The following SULF1 variants were observed in gnomAD, a reference collection of about 807,000 sequenced individuals.
SULF1 encodes extracellular sulfatase Sulf-1.
A neutral mutation model predicts 110.5 loss-of-function variants in SULF1; 46 were observed. The observed-to-expected ratio is 0.42, with a 90% confidence interval of 0.33 to 0.53. The LOEUF (loss-of-function observed/expected upper bound fraction) is 0.53. Ranked by LOEUF, SULF1 falls within the 20% of genes least tolerant of loss-of-function variation. SULF1 has a pLI of 0.12. For missense variants in SULF1, 941 were observed against 1,094.2 expected (o/e 0.86, Z 1.98); for synonymous variants, 371 against 387.1 (o/e 0.96, Z 0.49).
chr8:69,597,143 C>T lies in SULF1; in HGVS notation c.735-3460C>T, dbSNP rs184457980. On this transcript the variant is annotated intron_variant, in intron 8 of 22. Coordinates refer to ENST00000402687, the MANE Select transcript of SULF1 (RefSeq NM_001128205.2). ...AGCTCCAGGGCCTGTTTGAATAATT[C>T]GAAGACAATCCTTAGTTAGGAAAGC... The T allele has an allele frequency of 3.5e-4, 54 of 152,282 alleles. 2 individuals carry two copies. Among genetic ancestry groups the T allele is most frequent in the Admixed American group, 3.1e-3 (47 of 15,302 alleles). The allele number at this position is 152,282 out of a possible 1,614,324, so 9.4% of individuals were successfully genotyped here.
intron 14 of SULF1, among the ~76,000 whole-genome samples, chr8:69,622,443 A>G (rs1809690659): frequency 6.6e-6 from 1 of 152,112 alleles, no homozygotes; most frequent in South Asian, 2.1e-4. Context: ...TTAGCTGGGC[A>G]TGGTGGCACA....
chr8:69,510,578 AAAT>A (rs2150588254), intron 3 of SULF1, among the ~76,000 whole-genome samples: 1 of 151,552 alleles, frequency 6.6e-6, no homozygotes, highest in East Asian at 1.9e-4. Flanking sequence ...ACAAAGCAGA[AAAT>A]AATGTTTTTG....
upstream of SULF1, among the ~76,000 whole-genome samples, chr8:69,492,041 G>T (rs1330546034): frequency 6.8e-6 from 1 of 147,630 alleles, no homozygotes; most frequent in Non-Finnish European, 1.5e-5. Flanking sequence ...ACGTGCTGGG[G>T]AGTAGGTGAG....
At chr8:69,639,346 C>T (rs996771344) in intron 21 of SULF1, among the ~76,000 whole-genome samples, 7 of 152,130 alleles carry the variant, frequency 4.6e-5, no homozygotes, top group Admixed American at 4.6e-4. Flanking sequence ...CAGTATTTTT[C>T]GTCTGAAACT....
intron 3 of SULF1, among the ~76,000 whole-genome samples, chr8:69,529,486 AAAC>A (rs1812937969): frequency 6.6e-6 from 1 of 152,218 alleles, no homozygotes; most frequent in African/African-American, 2.4e-5. Context: ...CATTTTAAGA[AAAC>A]AAAATGTAAG....
intron 22 of SULF1, among the ~76,000 whole-genome samples, chr8:69,645,223 A>G (rs1470735362): frequency 6.6e-6 from 1 of 152,184 alleles, no homozygotes; most frequent in Non-Finnish European, 1.5e-5. Flanking sequence ...GGTAAGGTTA[A>G]GGTCAGACTT....
At chr8:69,582,462 G>C (rs1806141589) in intron 6 of SULF1, among the ~76,000 whole-genome samples, 1 of 152,178 alleles carries the variant, frequency 6.6e-6, no homozygotes, top group African/African-American at 2.4e-5. Context: ...GCCAGGCACT[G>C]TTTTCAGCGC....
At chr8:69,616,172 ATG>A (rs1443104425) in intron 13 of SULF1, among the ~76,000 whole-genome samples, 1 of 145,998 alleles carries the variant, frequency 6.8e-6, no homozygotes, top group East Asian at 2.0e-4. Context: ...ATACATATAT[ATG>A]TGTATATAAA....
At position 69,658,506 on chromosome 8, in the gene SULF1, G is replaced by T. The variant is rs148285446; in HGVS notation, c.2587G>T (p.Gly863Ter). Reference sequence around the variant, plus strand: ...TCACCTTCTTCTCTCTTTTCACAGAGGACAGTTATGGGATGGATGGGAAGG... The same window carrying T: ...TCACCTTCTTCTCTCTTTTCACAGATGACAGTTATGGGATGGATGGGAAGG... ...KDGGSYDLHR[G>*]QLWDGWEG The change falls in exon 23 of 23, where the codon GGA becomes TGA. Residue 863 changes from glycine (G) to a stop codon, truncating the protein, a stop_gained and splice_region_variant. Transcript: ENST00000402687. LOFTEE classifies it high-confidence loss of function. The T allele has an allele frequency of 6.3e-7, 1 of 1,592,782 alleles. No homozygotes were observed. The highest frequency in any genetic ancestry group is 1.7e-5 in the Admixed American group (1 of 57,574).
chr8:69,477,508 G>T lies in SULF1; in HGVS notation c.-391+10558G>T, dbSNP rs1029607667. Among the ~76,000 whole-genome samples the T allele has an allele frequency of 4.6e-5, 7 of 151,954 alleles. No individual in the cohort carries two copies. In the East Asian group the frequency reaches 5.8e-4, roughly 13 times the overall value. Reference sequence around the variant, plus strand: ...TCAGGCAAATCATATTTCTTGTTGCGCAAATAAAATTAAAATGTATATTTT... The same window carrying T: ...TCAGGCAAATCATATTTCTTGTTGCTCAAATAAAATTAAAATGTATATTTT... On this transcript the variant is annotated intron_variant, in intron 1 of 22. Coordinates refer to the SULF1 transcript ENST00000260128.
chr8:69,555,244 T>C (rs1201167164), intron 3 of SULF1, among the ~76,000 whole-genome samples: 2 of 152,290 alleles, frequency 1.3e-5, no homozygotes, highest in Admixed American at 6.5e-5. Context: ...CCTGGTCCTC[T>C]ATCTGCCTCT....
chr8:69,545,592 G>A (rs142491021), intron 3 of SULF1, among the ~76,000 whole-genome samples: 202 of 152,212 alleles, frequency 1.3e-3, no homozygotes, highest in Non-Finnish European at 1.7e-3. Context: ...CTGCAGAAAC[G>A]CCAGTCATGA....
intron 3 of SULF1, among the ~76,000 whole-genome samples, chr8:69,507,669 A>G (rs1452125100): frequency 2.0e-5 from 3 of 152,196 alleles, no homozygotes; most frequent in African/African-American, 7.2e-5. Flanking sequence ...AATATTTATA[A>G]TAGGAGAATT....
intron 15 of SULF1, 108 bp from the exon 16 acceptor site, chr8:69,627,102 T>C (rs1029680861): frequency 1.3e-6 from 1 of 784,912 alleles, no homozygotes; most frequent in Non-Finnish European, 2.2e-6. Context: ...GGTTACTGCA[T>C]GTATCAACAT....
upstream of SULF1, among the ~76,000 whole-genome samples, chr8:69,491,131 T>A (rs1354043232): frequency 6.6e-6 from 1 of 152,220 alleles, no homozygotes; most frequent in East Asian, 1.9e-4. Flanking sequence ...ACCCCAAGTC[T>A]CTTAAATGAC....
At chr8:69,592,523 C>T (rs775563638) in intron 8 of SULF1, among the ~76,000 whole-genome samples, 14 of 152,194 alleles carry the variant, frequency 9.2e-5, no homozygotes, top group Non-Finnish European at 1.6e-4. Flanking sequence ...AGCCTGGTTT[C>T]CTGCCTCAGC....
chr8:69,477,759 C>T (rs945622048), intron 1 of SULF1, among the ~76,000 whole-genome samples: 9 of 152,154 alleles, frequency 5.9e-5, no homozygotes, highest in African/African-American at 2.2e-4. Context: ...CATCTCTTTG[C>T]CTGCATTCTG....
chr8:69,597,966 C>T (rs1388851299), intron 8 of SULF1, among the ~76,000 whole-genome samples: 1 of 151,990 alleles, frequency 6.6e-6, no homozygotes, highest in Non-Finnish European at 1.5e-5. Context: ...TTTAGTAGCC[C>T]CTCTCTCCTC....
intron 3 of SULF1, among the ~76,000 whole-genome samples, chr8:69,548,609 C>T (rs779086402): frequency 1.4e-5 from 2 of 141,406 alleles, no homozygotes; most frequent in South Asian, 4.5e-4. Context: ...CACCATGCCT[C>T]GCTGATTTTT....
Sources: gnomAD v4.1 joint callset for allele counts (sites outside exome capture counted in the v4.1 genomes callset) on GRCh38, gnomAD v4.1.1 for gene constraint, MANE v1.5 for transcripts, NCBI Gene and HGNC (gene_info 2026-07-23, HGNC 2026-07-21) for gene names.